Variants in PARD3 observed in about 807,000 individuals in gnomAD.
The protein encoded by PARD3 is par-3 family cell polarity regulator, also known as partitioning defective 3 homolog.
PARD3 carries 75 observed loss-of-function variants against 155.4 expected under a neutral mutation model. The ratio of observed to expected loss-of-function variants is 0.48; its 90% CI spans 0.40 to 0.58. The LOEUF is 0.58. Ranked by LOEUF, PARD3 falls within the 20% of genes least tolerant of loss-of-function variation. The pLI, the probability that PARD3 is intolerant of heterozygous loss-of-function variation, is 0.00. For missense variants in PARD3, 1,642 were observed against 1,721.7 expected, an observed-to-expected ratio of 0.95 and a Z score of 0.82; for synonymous variants, 576 against 610.5, an observed-to-expected ratio of 0.94 and a Z score of 0.83.
chr10:34,408,794 G>GA (rs1313735380), intron 5 of PARD3, among the ~76,000 whole-genome samples: 2 of 151,172 alleles, frequency 1.3e-5, no homozygotes, highest in African/African-American at 4.9e-5. Flanking sequence ...AAACATTCAT[G>GA]AAAAAAATGC....
chr10:34,112,847 C>T (rs1946458586), intron 24 of PARD3, among the ~76,000 whole-genome samples: 1 of 152,230 alleles, frequency 6.6e-6, no homozygotes, highest in South Asian at 2.1e-4. Context: ...TCCAGCATCA[C>T]CTCTGGCTAT....
chr10:34,412,136 A>T (rs1295668040), intron 5 of PARD3, among the ~76,000 whole-genome samples: 13 of 151,832 alleles, frequency 8.6e-5, no homozygotes, highest in Admixed American at 8.5e-4. Context: ...CCAATTTTTT[A>T]AATATTTGTA....
At chr10:34,722,555 C>A (rs1193630234) in intron 1 of PARD3, among the ~76,000 whole-genome samples, 2 of 152,176 alleles carry the variant, frequency 1.3e-5, no homozygotes, top group Non-Finnish European at 2.9e-5. Flanking sequence ...GCTTGATGTT[C>A]AGCACGGTAC....
chr10:34,553,664 C>G (rs564065074), intron 2 of PARD3, among the ~76,000 whole-genome samples: 1 of 152,276 alleles, frequency 6.6e-6, no homozygotes, highest in Non-Finnish European at 1.5e-5. Flanking sequence ...AAACAAAAAG[C>G]AAGCGTGAGA....
chr10:34,516,038 C>T (rs562820018), intron 3 of PARD3, among the ~76,000 whole-genome samples: 2 of 152,022 alleles, frequency 1.3e-5, no homozygotes, highest in East Asian at 3.9e-4. Flanking sequence ...TTCACTGCAA[C>T]CTCCATCTCC....
At chr10:34,329,882 T>A (rs1324166392) in intron 19 of PARD3, among the ~76,000 whole-genome samples, 1 of 152,316 alleles carries the variant, frequency 6.6e-6, no homozygotes, top group African/African-American at 2.4e-5. Context: ...ATAAGCATTA[T>A]ACGTATAAGC....
intron 2 of PARD3, among the ~76,000 whole-genome samples, chr10:34,596,698 C>T (rs372947585): frequency 3.3e-5 from 5 of 152,160 alleles, no homozygotes; most frequent in South Asian, 4.1e-4. Flanking sequence ...ACCATATCAG[C>T]CCTGCAGAAA....
chr10:34,789,975 C>G (rs913998970), intron 1 of PARD3, among the ~76,000 whole-genome samples: 11 of 152,302 alleles, frequency 7.2e-5, no homozygotes, highest in Admixed American at 6.5e-4. Flanking sequence ...GAATCCTGAG[C>G]TCTGGGAAGC....
chr10:34,251,861 G>C (rs1464758880), intron 22 of PARD3, among the ~76,000 whole-genome samples: 2 of 152,054 alleles, frequency 1.3e-5, no homozygotes, highest in Non-Finnish European at 2.9e-5. Flanking sequence ...AACTGTCTTT[G>C]CTGTGCTGAT....
chr10:34,663,175 A>AC (rs1427743577), intron 2 of PARD3, among the ~76,000 whole-genome samples: 11 of 152,142 alleles, frequency 7.2e-5, no homozygotes, highest in Non-Finnish European at 1.3e-4. Context: ...TAAAATAACT[A>AC]AAAGAGGCCA....
intron 22 of PARD3, among the ~76,000 whole-genome samples, chr10:34,174,540 G>C (rs1949950351): frequency 6.6e-6 from 1 of 152,160 alleles, no homozygotes; most frequent in Non-Finnish European, 1.5e-5. Context: ...CTGAAACCCT[G>C]GTGCTTAGTG....
intron 4 of PARD3, among the ~76,000 whole-genome samples, chr10:34,453,026 C>T (rs2077142034): frequency 6.6e-6 from 1 of 152,160 alleles, no homozygotes; most frequent in African/African-American, 2.4e-5. Context: ...TGGCCATATC[C>T]TCTCTAACAA....
intron 2 of PARD3, among the ~76,000 whole-genome samples, chr10:34,652,777 T>C (rs1384323626): frequency 6.6e-6 from 1 of 152,172 alleles, no homozygotes; most frequent in African/African-American, 2.4e-5. Context: ...AATACGTTAG[T>C]GCAAGGCAGA....
Position 34,517,133 on chromosome 10 carries a change from A to C in PARD3, c.249T>G (p.Asp83Glu). ...TGGTGCCATCACCTCCGTGATGTGG[A>C]TCCTGCTCATCAAACACTGCTACCA... ...DRLVAVFDEQ[D>E]PHHGGDGTSA... The change falls in exon 3 of 25, where the codon GAT becomes GAG. Residue 83 changes from aspartate to glutamate, a missense_variant. By Grantham distance (45) the Asp-to-Glu change is conservative. Coordinates refer to ENST00000374788, the MANE Select transcript of PARD3 (RefSeq NM_001184785.2). The C allele has an allele frequency of 6.2e-7, 1 of 1,614,138 alleles. No individual in the cohort carries two copies. The highest frequency in any genetic ancestry group is 8.5e-7 in the Non-Finnish European group (1 of 1,180,000).
At chr10:34,125,371 G>T (rs559982813) in intron 23 of PARD3, among the ~76,000 whole-genome samples, 1 of 152,212 alleles carries the variant, frequency 6.6e-6, no homozygotes, top group South Asian at 2.1e-4. Flanking sequence ...GGCCCTCCAG[G>T]TCTATTTCTA....
At chr10:34,403,072 T>C (rs1844068098) in intron 5 of PARD3, among the ~76,000 whole-genome samples, 1 of 152,174 alleles carries the variant, frequency 6.6e-6, no homozygotes, top group Admixed American at 6.5e-5. Flanking sequence ...CTTTGGCACC[T>C]ACTAGAAGCT....
chr10:34,387,091 T>C (rs1267457662), intron 7 of PARD3, among the ~76,000 whole-genome samples: 1 of 152,206 alleles, frequency 6.6e-6, no homozygotes, highest in African/African-American at 2.4e-5. Flanking sequence ...CTTTCAGTCC[T>C]TGCAATAAAA....
At chr10:34,426,173 AG>A (rs1169256056) in intron 5 of PARD3, among the ~76,000 whole-genome samples, 1 of 152,238 alleles carries the variant, frequency 6.6e-6, no homozygotes, top group African/African-American at 2.4e-5. Context: ...ATCACTTACT[AG>A]GTAGGTAACA....
rs537311552 is a variant in PARD3 at position 34,473,490 on chromosome 10, C to G, written c.404-3227G>C. 2.6e-5 allele frequency among the ~76,000 whole-genome samples: 4 copies of G among 151,608 alleles called. No homozygotes were observed. The East Asian group carries it at 7.8e-4, about 30-fold the overall frequency. On this transcript the variant is annotated intron_variant, in intron 3 of 24. Coordinates refer to ENST00000374788, the MANE Select transcript of PARD3 (RefSeq NM_001184785.2). ...TTGCTTGAGGTCAGGAGTTCAAGACCAACTTGGGCAACACAGTGAGATCCT... is the reference window on the plus strand; with the variant it reads ...TTGCTTGAGGTCAGGAGTTCAAGACGAACTTGGGCAACACAGTGAGATCCT...
Sources: allele counts gnomAD v4.1 joint callset (sites outside exome capture counted in the v4.1 genomes callset), GRCh38; gene constraint gnomAD v4.1.1; transcripts MANE v1.5; gene names NCBI Gene and HGNC (gene_info 2026-07-23, HGNC 2026-07-21).